PIAS1: variants seen among roughly 807,000 people sequenced by gnomAD.
PIAS1 encodes the protein protein inhibitor of activated STAT 1.
PIAS1 carries 6 observed loss-of-function variants against 71.3 expected under a neutral mutation model. The observed-to-expected ratio is 0.08, with a 90% CI of 0.05 to 0.17. PIAS1 has a LOEUF of 0.17. Among genes scored for constraint, PIAS1 ranks in the 10% least tolerant of loss-of-function variants. The pLI is 1.00. For synonymous variants in PIAS1, 303 were observed against 292.9 expected (o/e 1.03, Z -0.35); for missense variants, 555 against 793.6 (o/e 0.70, Z 3.61).
chr15:68,124,971 A>G (rs1460152892), intron 2 of PIAS1, among the ~76,000 whole-genome samples: 2 of 152,152 alleles, frequency 1.3e-5, no homozygotes, highest in Non-Finnish European at 2.9e-5. Flanking sequence ...GATTTGGCTT[A>G]TTTGCCACTC....
chr15:68,099,547 T>C (rs2140996590), intron 2 of PIAS1, among the ~76,000 whole-genome samples: 1 of 152,086 alleles, frequency 6.6e-6, no homozygotes, highest in East Asian at 1.9e-4. Context: ...AGTTTCTGGC[T>C]ATCATAAATA....
intron 1 of PIAS1, among the ~76,000 whole-genome samples, chr15:68,066,048 C>T (rs1011617775): frequency 1.3e-5 from 2 of 149,240 alleles, no homozygotes; most frequent in Non-Finnish European, 3.0e-5. Context: ...AGCCACTGCA[C>T]CTGGCTTGAA....
At chr15:68,160,289 A>G (rs1292828213) in intron 7 of PIAS1, among the ~76,000 whole-genome samples, 1 of 152,144 alleles carries the variant, frequency 6.6e-6, no homozygotes, top group East Asian at 1.9e-4. Flanking sequence ...ATTTTTGTAT[A>G]TGCAAGGTGA....
At chr15:68,155,152 C>T (rs2092878652) in intron 7 of PIAS1, among the ~76,000 whole-genome samples, 1 of 152,074 alleles carries the variant, frequency 6.6e-6, no homozygotes, top group Admixed American at 6.6e-5. Context: ...TATAGCACCA[C>T]CTGGAGGGAG....
chr15:68,126,218 C>G (rs974922504), intron 2 of PIAS1, among the ~76,000 whole-genome samples: 2 of 151,924 alleles, frequency 1.3e-5, no homozygotes, highest in African/African-American at 4.8e-5. Context: ...CTTCTGTTTT[C>G]TCTGTTCTCT....
rs2092991500 is a variant in PIAS1 at position 68,171,516 on chromosome 15, T to C, written c.1009-2216T>C. ...TGTAATCATATGCAGGAGTGTAGAG[T>C]TGGGAGTACACAGAAGGGAGTTACC... On this transcript the variant is annotated intron_variant, in intron 8 of 13. Coordinates refer to ENST00000249636, the MANE Select transcript of PIAS1 (RefSeq NM_016166.3). The surrounding 1 kb of genome is among the most constrained non-coding windows in gnomAD (Gnocchi z 4.4). Among the ~76,000 whole-genome samples, 1 of 151,994 alleles carries C rather than the reference T, an allele frequency of 6.6e-6. No individual in the cohort carries two copies. Among genetic ancestry groups the C allele is most frequent in the Non-Finnish European group, 1.5e-5 (1 of 67,996 alleles).
intron 2 of PIAS1, among the ~76,000 whole-genome samples, chr15:68,088,176 G>GTATGTATATATA (rs1555424823): frequency 4.1e-5 from 3 of 73,008 alleles, no homozygotes; most frequent in African/African-American, 1.9e-4. Context: ...TTATGTGTGT[G>GTATGTATATATA]TATATATATA....
intron 11 of PIAS1, 47 bp from the exon 12 acceptor site, chr15:68,181,165 G>A (rs1450754716): frequency 2.2e-5 from 35 of 1,575,154 alleles, no homozygotes; most frequent in Non-Finnish European, 3.0e-5. Flanking sequence ...TTAACCTTGA[G>A]AGTTTAACTG....
rs980921543 is a variant in PIAS1, at chr15:68,193,490, G to A, written c.*5655G>A. On this transcript the variant is annotated 3_prime_UTR_variant, in exon 14 of 14. Transcript: ENST00000249636. ...AAGAATTGTTGTCATAAGTGTTACA[G>A]CTTTCTGTTCATTGCTGCTTCTCAG... The A allele has an allele frequency of 2.6e-5, 4 of 153,384 alleles. No individual in the cohort carries two copies. Among genetic ancestry groups the A allele is most frequent in the Non-Finnish European group, 5.8e-5 (4 of 68,804 alleles). 9.5% of individuals were successfully genotyped at this position (153,384 alleles called of 1,614,324 possible).
chr15:68,169,737 A>C (rs527797679), intron 8 of PIAS1, among the ~76,000 whole-genome samples: 4 of 152,316 alleles, frequency 2.6e-5, no homozygotes, highest in African/African-American at 9.6e-5. Context: ...TAGTGTACAA[A>C]GTGATTTTTA....
chr15:68,179,561 G>GTTTTTT (rs1307028845), intron 11 of PIAS1, among the ~76,000 whole-genome samples: 15 of 30,182 alleles, frequency 5.0e-4, no homozygotes, highest in Non-Finnish European at 8.9e-4. Context: ...CTCGTGAAAT[G>GTTTTTT]TTCTTTTTTT....
Position 68,145,906 on chromosome 15 carries a change from A to G in PIAS1, c.693A>G (p.Pro231=), listed in dbSNP as rs762775835. Residue 231 remains proline, a splice_region_variant and synonymous_variant, in exon 5 of 14, where the codon CCA becomes CCG. Transcript: ENST00000249636. ...TGAATACAAAACCTTGCAGCCTTCC[A>G]GTAAGTCCTAAGAGCTGTTTTTTAA... ...VKVNTKPCSL[P]GYLPPTKNGV... 4 of 1,579,066 alleles carry G rather than the reference A, an allele frequency of 2.5e-6. No homozygotes were observed. The highest frequency in any genetic ancestry group is 3.5e-6 in the Non-Finnish European group (4 of 1,148,306).
intron 2 of PIAS1, chr15:68,087,876 T>A (rs1231209546): frequency 3.1e-6 from 1 of 324,454 alleles, no homozygotes; most frequent in Non-Finnish European, 6.5e-6. Flanking sequence ...ATTATAGGAG[T>A]CATTTTCAAA....
At chr15:68,088,140 ATAT>A (rs1294193239) in intron 2 of PIAS1, among the ~76,000 whole-genome samples, 7 of 126,400 alleles carry the variant, frequency 5.5e-5, no homozygotes, top group Non-Finnish European at 1.1e-4. Context: ...ATAATATATC[ATAT>A]GCATCTTTTC....
chr15:68,102,902 G>A (rs539602219), intron 2 of PIAS1, among the ~76,000 whole-genome samples: 23 of 151,934 alleles, frequency 1.5e-4, no homozygotes, highest in Admixed American at 3.3e-4. Flanking sequence ...AATAATAGTG[G>A]TGACAGTGAA....
At chr15:68,110,192 C>T (rs528490434) in intron 2 of PIAS1, among the ~76,000 whole-genome samples, 51 of 151,940 alleles carry the variant, frequency 3.4e-4, no homozygotes, top group Admixed American at 2.6e-3. Context: ...TCTCATGCAA[C>T]AATAAAAAAG....
chr15:68,125,635 T>G (rs978704991), intron 2 of PIAS1, among the ~76,000 whole-genome samples: 4 of 152,214 alleles, frequency 2.6e-5, no homozygotes, highest in African/African-American at 9.6e-5. Flanking sequence ...TTGAAGGCAT[T>G]AATTTTTCCA....
intron 12 of PIAS1, 42 bp from the exon 13 acceptor site, chr15:68,183,588 C>T: frequency 1.2e-6 from 1 of 838,400 alleles, no homozygotes; most frequent in Non-Finnish European, 1.9e-6. Context: ...AAGAGTTTTT[C>T]CTTCTTTTTT....
chr15:68,061,850 G>C (rs2091962303), intron 1 of PIAS1, among the ~76,000 whole-genome samples: 1 of 152,112 alleles, frequency 6.6e-6, no homozygotes, highest in Non-Finnish European at 1.5e-5. Flanking sequence ...TGTGTGTTTT[G>C]TCTCTTCAGC....
Sources: allele counts gnomAD v4.1 joint callset (sites outside exome capture counted in the v4.1 genomes callset), GRCh38; gene constraint gnomAD v4.1.1; non-coding constraint Gnocchi (gnomAD v3.1); transcripts MANE v1.5; gene names NCBI Gene and HGNC (gene_info 2026-07-23, HGNC 2026-07-21).